CXCL13: variants seen among roughly 807,000 people sequenced by gnomAD.
CXCL13 encodes C-X-C motif chemokine ligand 13, also known as C-X-C motif chemokine 13.
Under a neutral mutation model 12.2 loss-of-function variants are expected in CXCL13, and 7 were observed. That is an observed-to-expected ratio of 0.57 (90% CI 0.33 to 1.07). The LOEUF (loss-of-function observed/expected upper bound fraction) is 1.07, where lower values mean the gene tolerates loss of function less well. Ranked by LOEUF, CXCL13 falls within the 50% of genes least tolerant of loss-of-function variation. The pLI is 0.04. For missense variants in CXCL13, 113 were observed against 127.4 expected (o/e 0.89, Z 0.55); for synonymous variants, 47 against 42.4 (o/e 1.11, Z -0.42).
chr4:77,573,114 C>T (rs1726126210), intron 1 of CXCL13, among the ~76,000 whole-genome samples: 1 of 151,732 alleles, frequency 6.6e-6, no homozygotes, highest in Non-Finnish European at 1.5e-5. Flanking sequence ...GGAAGACAAT[C>T]AGGAAAAATA....
chr4:77,610,752 T>C, intron 3 of CXCL13, 58 bp downstream of exon 3: 1 of 1,317,976 alleles, frequency 7.6e-7, no homozygotes, highest in Admixed American at 1.7e-5. Flanking sequence ...AGTTTCCCTT[T>C]CCTGGGCAGT....
At chr4:77,538,974 A>G (rs539864089) in intron 1 of CXCL13, among the ~76,000 whole-genome samples, 8 of 152,324 alleles carry the variant, frequency 5.3e-5, no homozygotes, top group African/African-American at 1.4e-4. Context: ...AAGTTTATTA[A>G]GCTTTAGAGC....
At chr4:77,537,017 A>G (rs1238288225) in intron 1 of CXCL13, among the ~76,000 whole-genome samples, 1 of 152,208 alleles carries the variant, frequency 6.6e-6, no homozygotes, top group Non-Finnish European at 1.5e-5. Context: ...ATTAAAATCC[A>G]AGACAATGGT....
intron 1 of CXCL13, among the ~76,000 whole-genome samples, chr4:77,522,053 G>C (rs1724614449): frequency 6.6e-6 from 1 of 152,168 alleles, no homozygotes; most frequent in Non-Finnish European, 1.5e-5. Context: ...GTTCTAATTT[G>C]ATTGCACTGT....
intron 1 of CXCL13, among the ~76,000 whole-genome samples, chr4:77,576,983 C>T (rs764095513): frequency 6.6e-6 from 1 of 152,140 alleles, no homozygotes; most frequent in African/African-American, 2.4e-5. Context: ...CTTAGACTAA[C>T]CCTGCTTATT....
intron 1 of CXCL13, among the ~76,000 whole-genome samples, chr4:77,588,512 T>C (rs2109829327): frequency 6.6e-6 from 1 of 152,358 alleles, no homozygotes; most frequent in African/African-American, 2.4e-5. Context: ...CTGACAATGC[T>C]TGGAGCCTGC....
chr4:77,515,616 A>T (rs189618449), intron 1 of CXCL13, among the ~76,000 whole-genome samples: 8,974 of 152,008 alleles, frequency 0.059, 838 homozygotes, highest in African/African-American at 0.2. Context: ...TTTGTCTGTT[A>T]TTGGTGTATA....
chr4:77,538,324 T>G (rs1361040768), intron 1 of CXCL13, among the ~76,000 whole-genome samples: 1 of 151,990 alleles, frequency 6.6e-6, no homozygotes, highest in Non-Finnish European at 1.5e-5. Context: ...TTTTTTTGTT[T>G]GTTTTGGTTT....
intron 1 of CXCL13, among the ~76,000 whole-genome samples, chr4:77,538,598 T>C (rs1376619245): frequency 6.6e-6 from 1 of 152,028 alleles, no homozygotes; most frequent in Non-Finnish European, 1.5e-5. Flanking sequence ...GCTTTAGAGG[T>C]AGAAGAGGGT....
chr4:77,528,736 C>T (rs937747389), intron 1 of CXCL13, among the ~76,000 whole-genome samples: 1 of 152,162 alleles, frequency 6.6e-6, no homozygotes, highest in Non-Finnish European at 1.5e-5. Context: ...GTTGCCTGTT[C>T]ACTCTAATGG....
chr4:77,530,097 GA>G (rs1372867651), intron 1 of CXCL13, among the ~76,000 whole-genome samples: 1 of 152,114 alleles, frequency 6.6e-6, no homozygotes, highest in Non-Finnish European at 1.5e-5. Flanking sequence ...TGCATATGTT[GA>G]ACCAGCCTTG....
chr4:77,532,222 G>C (rs536126943), intron 1 of CXCL13, among the ~76,000 whole-genome samples: 3 of 152,248 alleles, frequency 2.0e-5, no homozygotes, highest in Admixed American at 2.0e-4. Flanking sequence ...TCCTTCAGTA[G>C]CTCTTTTAGG....
chr4:77,541,562 T>G (rs144606050), intron 1 of CXCL13, among the ~76,000 whole-genome samples: 2,241 of 152,296 alleles, frequency 0.015, 23 homozygotes, highest in South Asian at 0.034. Context: ...TTCTGTTCCA[T>G]TGGTCTATGT....
At chr4:77,513,113 C>T (rs1724313845) in intron 1 of CXCL13, among the ~76,000 whole-genome samples, 1 of 151,980 alleles carries the variant, frequency 6.6e-6, no homozygotes, top group Admixed American at 6.6e-5. Context: ...TGAACTCATC[C>T]TTTTTTATGG....
intron 1 of CXCL13, among the ~76,000 whole-genome samples, chr4:77,527,365 A>G (rs1030912523): frequency 1.3e-5 from 2 of 152,164 alleles, no homozygotes; most frequent in South Asian, 4.1e-4. Flanking sequence ...GGGCACAGTG[A>G]CTCATGCCTG....
At position 77,525,375 on chromosome 4, in the gene CXCL13, G is replaced by T. The variant is rs960290591; in HGVS notation, c.-43+13587G>T. Among the ~76,000 whole-genome samples, 7 of 152,120 alleles carry T rather than the reference G, an allele frequency of 4.6e-5. No homozygotes were observed. The East Asian group carries it at 1.3e-3, about 29-fold the overall frequency. ...AAGGAAGATTTTTCTCATTTGGGGGGTTTTCTTGATTTTAGGGTGGTAAGA... is the reference window on the plus strand; with the variant it reads ...AAGGAAGATTTTTCTCATTTGGGGGTTTTTCTTGATTTTAGGGTGGTAAGA... On this transcript the variant is annotated intron_variant, in intron 1 of 4. Coordinates refer to the CXCL13 transcript ENST00000286758.
chr4:77,527,191 T>A (rs762518336), intron 1 of CXCL13, among the ~76,000 whole-genome samples: 56 of 152,160 alleles, frequency 3.7e-4, no homozygotes, highest in South Asian at 1.7e-3. Context: ...AACCACAAAA[T>A]GTAGCACTGT....
At chr4:77,559,311 T>A (rs1560525918) in intron 1 of CXCL13, among the ~76,000 whole-genome samples, 2 of 152,160 alleles carry the variant, frequency 1.3e-5, no homozygotes, top group African/African-American at 4.8e-5. Context: ...TGAGATATGA[T>A]GCAGACTAAA....
At chr4:77,562,704 C>T (rs993797338) in intron 1 of CXCL13, among the ~76,000 whole-genome samples, 1 of 142,922 alleles carries the variant, frequency 7.0e-6, no homozygotes, top group Non-Finnish European at 1.5e-5. Flanking sequence ...ACATACCAAT[C>T]AGCACCCTGT....
Sources: gnomAD v4.1 joint callset for allele counts (sites outside exome capture counted in the v4.1 genomes callset) on GRCh38, gnomAD v4.1.1 for gene constraint, MANE v1.5 for transcripts, NCBI Gene and HGNC (gene_info 2026-07-23, HGNC 2026-07-21) for gene names.